TRIM49: variants seen among roughly 807,000 people sequenced by gnomAD.
The protein encoded by TRIM49 is tripartite motif containing 49, also known as tripartite motif-containing protein 49.
In TRIM49, 5 loss-of-function variants were observed where a neutral mutation model predicts 27.4. That is an observed-to-expected ratio of 0.18 (90% CI 0.10 to 0.38). The LOEUF (loss-of-function observed/expected upper bound fraction) is 0.38, where lower values mean the gene tolerates loss of function less well. Ranked by LOEUF, TRIM49 falls within the 10% of genes least tolerant of loss-of-function variation. The probability of loss-of-function intolerance (pLI) is 1.00; values close to 1 mark genes in which losing one functional copy is unlikely to be tolerated. For missense variants in TRIM49, 188 were observed against 487.5 expected (o/e 0.39, Z 5.79); for synonymous variants, 69 against 166.0 (o/e 0.42, Z 4.49).
the TRIM49 span, among the ~76,000 whole-genome samples, chr11:89,773,591 G>A: frequency 7.5e-6 from 1 of 133,478 alleles, no homozygotes; most frequent in South Asian, 2.3e-4. Context: ...GACAAATAAC[G>A]GCTAGGCACA....
chr11:89,787,897 C>A, the TRIM49 span: 3 of 406,286 alleles, frequency 7.4e-6, 1 homozygote, highest in East Asian at 1.4e-4. Flanking sequence ...CGGGGCTGGG[C>A]ACCGTGGCAG....
the TRIM49 span, among the ~76,000 whole-genome samples, chr11:89,768,488 C>G: frequency 4.5e-5 from 6 of 133,574 alleles, 1 homozygote; most frequent in African/African-American, 1.5e-4. Flanking sequence ...AAATGCCTCT[C>G]TCCCTATTTG....
chr11:89,791,803 A>C, the TRIM49 span, among the ~76,000 whole-genome samples: 3 of 152,264 alleles, frequency 2.0e-5, no homozygotes, highest in Admixed American at 2.0e-4. Flanking sequence ...CAAATTGTAA[A>C]GACCATCGAT....
chr11:89,773,805 G>C, the TRIM49 span, among the ~76,000 whole-genome samples: 1 of 132,966 alleles, frequency 7.5e-6, no homozygotes, highest in Non-Finnish European at 1.5e-5. Context: ...GGGCTTAGTG[G>C]CAGGTGCCTG....
chr11:89,792,708 C>G (rs1320332123), downstream of TRIM49, among the ~76,000 whole-genome samples: 1 of 152,106 alleles, frequency 6.6e-6, no homozygotes, highest in Non-Finnish European at 1.5e-5. Flanking sequence ...AGAACAAAGA[C>G]ACAACATACT....
At chr11:89,792,241 A>G in the TRIM49 span, among the ~76,000 whole-genome samples, 2 of 150,814 alleles carry the variant, frequency 1.3e-5, no homozygotes, top group Non-Finnish European at 3.0e-5. Flanking sequence ...CAGATTCATA[A>G]AGCAAGTCCT....
At chr11:89,800,914 G>C (rs1166585022) in intron 6 of TRIM49, 52 bp downstream of exon 6, 1 of 1,058,942 alleles carries the variant, frequency 9.4e-7, no homozygotes, top group Non-Finnish European at 1.3e-6. Flanking sequence ...AGCCTGCTTT[G>C]ATAGTCGTGG....
intron 6 of TRIM49, among the ~76,000 whole-genome samples, chr11:89,800,527 G>A (rs1024045418): frequency 1.3e-5 from 2 of 151,058 alleles, no homozygotes; most frequent in East Asian, 3.9e-4. Flanking sequence ...GCGGATCACG[G>A]GGTCAGGAGA....
rs1163739484 is a variant in TRIM49 at position 89,804,865 on chromosome 11, GGGCCAAAGAAATATGAGAAGAT to G, written c.-4-414_-4-393del. On this transcript the variant is annotated intron_variant, in intron 2 of 7. Transcript: ENST00000329758. ...AAGAGTGGGAGGGAAAAAACTACCC[GGGCCAAAGAAATATGAGAAGAT>G]GGCCAAAGAAATATGAGAAGATGGT... Among the ~76,000 whole-genome samples the G allele has an allele frequency of 9.7e-4, 147 of 151,306 alleles. 6 individuals carry two copies. The highest frequency in any genetic ancestry group is 3.3e-3 in the African/African-American group (135 of 40,956).
chr11:89,805,125 T>C (rs1314808347), intron 2 of TRIM49, among the ~76,000 whole-genome samples: 1 of 151,738 alleles, frequency 6.6e-6, no homozygotes, highest in Non-Finnish European at 1.5e-5. Context: ...ACTAATCAAG[T>C]TTCACTAGTA....
the TRIM49 span, chr11:89,768,096 C>CT: frequency 1.4e-6 from 1 of 692,380 alleles, no homozygotes; most frequent in East Asian, 3.4e-5. Flanking sequence ...TTCTCTTGTT[C>CT]TAGATGAAAA....
At chr11:89,783,678 A>G in the TRIM49 span, among the ~76,000 whole-genome samples, 3 of 145,436 alleles carry the variant, frequency 2.1e-5, no homozygotes, top group Non-Finnish European at 4.5e-5. Flanking sequence ...TATGCAGTAG[A>G]AAGAACAAAA....
intron 3 of TRIM49, 117 bp downstream of exon 3, chr11:89,803,942 C>T: frequency 6.3e-7 from 1 of 1,590,178 alleles, no homozygotes; most frequent in Non-Finnish European, 8.6e-7. Context: ...GCTAAGAAAG[C>T]CCAAACAGAG....
chr11:89,805,713 GT>G (rs1471218681), intron 2 of TRIM49, among the ~76,000 whole-genome samples: 2 of 130,092 alleles, frequency 1.5e-5, no homozygotes, highest in South Asian at 2.3e-4. Flanking sequence ...GGTGTTTTTA[GT>G]TTTTTTTTGT....
chr11:89,807,524 C>A (rs1242130059), intron 1 of TRIM49, among the ~76,000 whole-genome samples: 2 of 150,744 alleles, frequency 1.3e-5, no homozygotes, highest in Non-Finnish European at 2.9e-5. Context: ...GAGTTTCTTC[C>A]ATGATACAGG....
the TRIM49 span, among the ~76,000 whole-genome samples, chr11:89,789,985 G>A: frequency 1.4e-5 from 2 of 147,944 alleles, no homozygotes; most frequent in Admixed American, 1.3e-4. Context: ...AGTTCGAGGG[G>A]TCAGGGAATT....
the TRIM49 span, among the ~76,000 whole-genome samples, chr11:89,775,856 CTTTA>C: frequency 6.7e-6 from 1 of 149,960 alleles, no homozygotes; most frequent in African/African-American, 2.5e-5. Flanking sequence ...ATAAAAGCTA[CTTTA>C]TTTATAATTG....
the TRIM49 span, among the ~76,000 whole-genome samples, chr11:89,790,427 G>C: frequency 3.4e-4 from 52 of 151,230 alleles, no homozygotes; most frequent in South Asian, 9.4e-3. Context: ...CCAGCACAGA[G>C]TTTGAGATCT....
At position 89,804,234 on chromosome 11, in the gene TRIM49, T is replaced by G; in HGVS notation, c.236A>C (p.Lys79Thr). 6.2e-7 allele frequency: 1 copy of G among 1,610,554 alleles called. No homozygotes were observed. The highest frequency in any genetic ancestry group is 8.5e-7 in the Non-Finnish European group (1 of 1,178,878). ...HLKKMASLAR[K>T]VSLWLFLSSE... ...GCTCAGGAATAGCCAGAGACTGACT[T>G]TTCTGGCAAGAGAAGCCATCTTCTT... Residue 79 changes from lysine to threonine, a missense_variant, in exon 3 of 8, where the codon AAA becomes ACA. This residue lies in a region of TRIM49 where 37 missense variants were observed against 52.4 expected (regional missense o/e 0.71). Transcript: ENST00000329758.
Sources: gnomAD v4.1 joint callset for allele counts (sites outside exome capture counted in the v4.1 genomes callset) on GRCh38, gnomAD v4.1.1 for gene constraint, gnomAD v4.1.1 regional missense constraint, MANE v1.5 for transcripts, NCBI Gene and HGNC (gene_info 2026-07-23, HGNC 2026-07-21) for gene names.